Variants in CACNA2D3 observed in about 807,000 individuals in gnomAD.
CACNA2D3 encodes voltage-dependent calcium channel subunit alpha-2/delta-3.
In CACNA2D3, 60 loss-of-function variants were observed where a neutral mutation model predicts 160.6. The observed-to-expected ratio is 0.37, with a 90% CI of 0.30 to 0.46. The LOEUF (loss-of-function observed/expected upper bound fraction) is 0.46, where lower values mean the gene tolerates loss of function less well. Among genes scored for constraint, CACNA2D3 ranks in the 20% least tolerant of loss-of-function variants. CACNA2D3 has a pLI of 1.00. For missense variants in CACNA2D3, 1,205 were observed against 1,365.0 expected, an observed-to-expected ratio of 0.88 and a Z score of 1.85; for synonymous variants, 558 against 492.9, an observed-to-expected ratio of 1.13 and a Z score of -1.75.
In CACNA2D3 at chr3:54,295,897, C is replaced by G. The variant is rs116267159; in HGVS notation, c.205-24545C>G. ...CTCGCAGCTTAACTTTTCCCTTTGG[C>G]TTAGTGATTTTGGGGTCCTAAGATT... is the stretch of plus-strand genomic sequence containing the variant. On this transcript the variant is annotated intron_variant, in intron 2 of 37. Coordinates refer to ENST00000474759, the MANE Select transcript of CACNA2D3 (RefSeq NM_018398.3). 1.1e-3 allele frequency among the ~76,000 whole-genome samples: 169 copies of G among 152,318 alleles called. 2 individuals carry two copies. The highest frequency in any genetic ancestry group is 3.9e-3 in the African/African-American group (164 of 41,580).
chr3:54,961,000 T>A (rs1283828692), intron 27 of CACNA2D3, among the ~76,000 whole-genome samples: 1 of 152,240 alleles, frequency 6.6e-6, no homozygotes, highest in Non-Finnish European at 1.5e-5. Flanking sequence ...GGGTTAATCA[T>A]GAAATATTCC....
At chr3:54,998,128 T>A (rs965422481) in intron 31 of CACNA2D3, among the ~76,000 whole-genome samples, 22 of 74,008 alleles carry the variant, frequency 3.0e-4, no homozygotes, top group African/African-American at 1.6e-3. Flanking sequence ...CAATTAATTC[T>A]TTTTTTTTTT....
intron 13 of CACNA2D3, among the ~76,000 whole-genome samples, chr3:54,783,901 G>A (rs1702580549): frequency 6.6e-6 from 1 of 152,154 alleles, no homozygotes; most frequent in Non-Finnish European, 1.5e-5. Context: ...TTTTGAATGT[G>A]TTAAACATCA....
At chr3:54,149,928 T>C (rs13069304) in intron 2 of CACNA2D3, among the ~76,000 whole-genome samples, 1,922 of 35,338 alleles carry the variant, frequency 0.054, 113 homozygotes, top group East Asian at 0.15. Context: ...TCTCTCTCTC[T>C]CTCCCTCCCT....
intron 34 of CACNA2D3, among the ~76,000 whole-genome samples, chr3:55,011,956 A>G (rs1703220207): frequency 6.6e-6 from 1 of 152,258 alleles, no homozygotes; most frequent in African/African-American, 2.4e-5. Context: ...TAAAATCAAT[A>G]GAGCCCAGGA....
In CACNA2D3 at chr3:54,458,764, T is replaced by C. The variant is rs1307709409; in HGVS notation, c.382-44728T>C. Among the ~76,000 whole-genome samples the C allele has an allele frequency of 2.2e-5, 3 of 133,914 alleles. No individual in the cohort carries two copies. The East Asian group carries it at 6.4e-4, about 29-fold the overall frequency. The allele number at this position is 133,914 out of a possible 152,430, so 87.9% of individuals were successfully genotyped here. ...TTATTTCCTTAAATACATTTTCTTT[T>C]TTTATTTTATTTTATTATTATTATA... On this transcript the variant is annotated intron_variant, in intron 4 of 37. Transcript: ENST00000474759.
intron 2 of CACNA2D3, among the ~76,000 whole-genome samples, chr3:54,224,150 C>T (rs1387714616): frequency 6.6e-6 from 1 of 152,054 alleles, no homozygotes; most frequent in African/African-American, 2.4e-5. Flanking sequence ...TGTCTTTCAC[C>T]TCCACACCTT....
At chr3:54,458,693 A>G (rs528832024) in intron 4 of CACNA2D3, among the ~76,000 whole-genome samples, 1 of 151,974 alleles carries the variant, frequency 6.6e-6, no homozygotes, top group African/African-American at 2.4e-5. Flanking sequence ...AGCTTCCTGG[A>G]TCTGGATGTT....
intron 4 of CACNA2D3, among the ~76,000 whole-genome samples, chr3:54,442,742 A>C (rs1346682630): frequency 6.6e-6 from 1 of 152,188 alleles, no homozygotes. Context: ...CCATTAATCC[A>C]ATCAACCATC....
chr3:55,023,480 C>G (rs1399782684), intron 35 of CACNA2D3, among the ~76,000 whole-genome samples: 7 of 152,078 alleles, frequency 4.6e-5, no homozygotes, highest in Non-Finnish European at 1.0e-4. Flanking sequence ...CTTCGGTTCT[C>G]TGTACCAAAT....
At chr3:54,550,855 A>C (rs528554932) in intron 5 of CACNA2D3, among the ~76,000 whole-genome samples, 1 of 152,234 alleles carries the variant, frequency 6.6e-6, no homozygotes, top group East Asian at 1.9e-4. Context: ...ACCTGCCTTC[A>C]GTGCAAAACC....
At chr3:54,845,182 C>T (rs1055185097) in intron 16 of CACNA2D3, among the ~76,000 whole-genome samples, 12 of 152,148 alleles carry the variant, frequency 7.9e-5, no homozygotes, top group Non-Finnish European at 1.2e-4. Context: ...CGTCTGTTGC[C>T]CTTGACTACC....
chr3:54,440,396 G>C (rs1213053169), intron 4 of CACNA2D3, among the ~76,000 whole-genome samples: 1 of 152,136 alleles, frequency 6.6e-6, no homozygotes, highest in Non-Finnish European at 1.5e-5. Flanking sequence ...CAACTATTCT[G>C]TAAGATGTAC....
intron 11 of CACNA2D3, among the ~76,000 whole-genome samples, chr3:54,653,027 C>T (rs1275480479): frequency 6.6e-6 from 1 of 152,118 alleles, no homozygotes; most frequent in East Asian, 1.9e-4. Context: ...AAGTGATCCA[C>T]CTGCCTTGGT....
intron 27 of CACNA2D3, among the ~76,000 whole-genome samples, chr3:54,963,097 C>T (rs1202599811): frequency 2.0e-5 from 3 of 152,098 alleles, no homozygotes; most frequent in African/African-American, 7.2e-5. Flanking sequence ...TTTGTAGTCT[C>T]AAGTTTTATA....
intron 17 of CACNA2D3, among the ~76,000 whole-genome samples, chr3:54,857,127 A>C (rs1169491504): frequency 6.6e-6 from 1 of 152,160 alleles, no homozygotes; most frequent in Admixed American, 6.5e-5. Context: ...AAAACTGTGG[A>C]GACTGGTCCA....
intron 11 of CACNA2D3, among the ~76,000 whole-genome samples, chr3:54,743,150 C>T (rs976018180): frequency 6.6e-5 from 10 of 152,214 alleles, no homozygotes; most frequent in Admixed American, 3.9e-4. Flanking sequence ...AACTAATATT[C>T]GTTGAGAATC....
intron 13 of CACNA2D3, among the ~76,000 whole-genome samples, chr3:54,784,799 T>G (rs1484950676): frequency 3.3e-5 from 5 of 152,158 alleles, no homozygotes; most frequent in Non-Finnish European, 7.4e-5. Context: ...ATGGGCAAAG[T>G]GACAGGATCT....
intron 4 of CACNA2D3, among the ~76,000 whole-genome samples, chr3:54,461,738 G>C (rs6445666): frequency 0.99 from 150,669 of 151,946 alleles, 74,715 homozygotes; most frequent in Middle Eastern, 1. Flanking sequence ...CTCCTGGATT[G>C]ATTAATTTTT....
Sources: gnomAD v4.1 joint callset for allele counts (sites outside exome capture counted in the v4.1 genomes callset) on GRCh38, gnomAD v4.1.1 for gene constraint, MANE v1.5 for transcripts, NCBI Gene and HGNC (gene_info 2026-07-23, HGNC 2026-07-21) for gene names.